The following TERB1 variants were observed in gnomAD, a reference collection of about 807,000 sequenced individuals.
TERB1 encodes telomere repeat binding bouquet formation protein 1.
A neutral mutation model predicts 92.3 loss-of-function variants in TERB1; 63 were observed. That is an observed-to-expected ratio of 0.68 (90% CI 0.56 to 0.84). The LOEUF (loss-of-function observed/expected upper bound fraction) is 0.84. Among genes scored for constraint, TERB1 ranks in the 40% least tolerant of loss-of-function variants. TERB1 has a pLI of 0.00. For missense variants in TERB1, 709 were observed against 843.7 expected (o/e 0.84, Z 1.98); for synonymous variants, 252 against 283.9 (o/e 0.89, Z 1.13).
At chr16:66,768,213 T>G in intron 14 of TERB1, 45 bp from the exon 15 acceptor site, 2 of 1,393,158 alleles carry the variant, frequency 1.4e-6, no homozygotes, top group Non-Finnish European at 2.0e-6. Context: ...AACATACTGT[T>G]TGGTGTGCGG....
chr16:66,792,140 A>G (rs996613670), intron 3 of TERB1, among the ~76,000 whole-genome samples: 9 of 152,238 alleles, frequency 5.9e-5, no homozygotes, highest in Non-Finnish European at 1.3e-4. Context: ...AAAAAAATCA[A>G]TGTAACAAAA....
chr16:66,785,962 TTTTCA>T (rs2018722734), intron 8 of TERB1, 47 bp downstream of exon 8: 22 of 1,527,034 alleles, frequency 1.4e-5, no homozygotes, highest in Non-Finnish European at 1.7e-5. Context: ...AAAATATCAG[TTTTCA>T]TTTGTTTTTA....
In TERB1 at chr16:66,770,142, G is replaced by A. The variant is rs1331523270; in HGVS notation, c.1440C>T (p.Val480=). 4 of 1,552,234 alleles carry A rather than the reference G, an allele frequency of 2.6e-6. No homozygotes were observed. The East Asian group carries it at 9.8e-5, about 38-fold the overall frequency. Residue 480 remains valine, a synonymous_variant, in exon 14 of 19, where the codon GTC becomes GTT. Transcript: ENST00000433154. ...CATCATTTGTACATGCTTTAGACAT[G>A]ACTCCATGGGACTTATAACTCTGTA... ...RQLQSYKSHG[V]MSKACTNDDQ...
intron 11 of TERB1, among the ~76,000 whole-genome samples, chr16:66,776,480 T>A (rs1203553144): frequency 6.6e-6 from 1 of 152,014 alleles, no homozygotes; most frequent in Admixed American, 6.6e-5. Context: ...TAATCAATCC[T>A]AAATTACACA....
intron 16 of TERB1, among the ~76,000 whole-genome samples, chr16:66,765,709 C>T (rs865908105): frequency 1.3e-5 from 2 of 151,906 alleles, no homozygotes; most frequent in South Asian, 2.1e-4. Flanking sequence ...CCACCCGCCT[C>T]GGCCTCCCAA....
intron 9 of TERB1, 91 bp from the exon 10 acceptor site, chr16:66,779,106 C>T (rs1172771110): frequency 3.1e-6 from 3 of 980,526 alleles, no homozygotes; most frequent in African/African-American, 3.3e-5. Context: ...ATAACATTGA[C>T]CTTTTCAAAT....
chr16:66,767,971 GC>G, intron 15 of TERB1, 132 bp downstream of exon 15: 1 of 685,704 alleles, frequency 1.5e-6, no homozygotes. Context: ...CAGCTGATCT[GC>G]CCACCTAGGC....
At chr16:66,769,129 A>G (rs1002506368) in intron 14 of TERB1, among the ~76,000 whole-genome samples, 1 of 151,896 alleles carries the variant, frequency 6.6e-6, no homozygotes, top group Non-Finnish European at 1.5e-5. Flanking sequence ...AAGAAAAAGA[A>G]AAAAGAAAAA....
chr16:66,801,097 G>C (rs1262410753), intron 1 of TERB1, 44 bp from the exon 2 acceptor site: 2 of 152,406 alleles, frequency 1.3e-5, no homozygotes, highest in East Asian at 3.8e-4. Context: ...GGCCACTCGT[G>C]AGCCATCAGC....
chr16:66,774,054 T>C (rs1464109210), intron 12 of TERB1, among the ~76,000 whole-genome samples: 1 of 151,138 alleles, frequency 6.6e-6, no homozygotes, highest in Non-Finnish European at 1.5e-5. Flanking sequence ...TAATTTTTTT[T>C]GTATTTTTAG....
Position 66,770,126 on chromosome 16 carries a change from T to C in TERB1, c.1456A>G (p.Thr486Ala). 1 of 1,552,314 alleles carries C rather than the reference T, an allele frequency of 6.4e-7. No individual in the cohort carries two copies. Among genetic ancestry groups the C allele is most frequent in the Non-Finnish European group, 8.7e-7 (1 of 1,147,130 alleles). The change falls in exon 14 of 19, where the codon ACA (threonine) becomes GCA (alanine). Residue 486 changes from threonine to alanine, a missense_variant. By Grantham distance (58) the Thr-to-Ala change is moderately conservative. Transcript: ENST00000433154. The stretch of plus-strand genomic sequence containing the variant: ...GGTGTCTTCATTTGGTCATCATTTG[T>C]ACATGCTTTAGACATGACTCCATGG... ...KSHGVMSKACTNDDQMKTPLK... is the reference protein window; with the variant it reads ...KSHGVMSKACANDDQMKTPLK...
rs1186013949 is a variant in TERB1, at chr16:66,768,149, G to A, written c.1639C>T (p.Pro547Ser). 6.5e-7 allele frequency: 1 copy of A among 1,549,902 alleles called. No individual in the cohort carries two copies. The change falls in exon 15 of 19, where the codon CCA (proline) becomes TCA (serine). Residue 547 changes from proline (P) to serine (S), a missense_variant. Physicochemically the swap from Pro to Ser is moderately conservative, Grantham distance 74. Transcript: ENST00000433154. ...TTTATATTTTTGGCAATGTGAACTG[G>A]GTGTTTAAAAACATGGTCACTAAAA... ...SQSSDHVFKH[P>S]VHIAKNIKQQ...
chr16:66,770,454 A>G, intron 13 of TERB1, 145 bp from the exon 14 acceptor site: 4 of 610,356 alleles, frequency 6.6e-6, no homozygotes, highest in Non-Finnish European at 1.1e-5. Flanking sequence ...TACATTAGGA[A>G]GAAAAGGGAG....
upstream of TERB1, among the ~76,000 whole-genome samples, chr16:66,801,925 G>A (rs986423382): frequency 6.6e-5 from 10 of 152,220 alleles, no homozygotes; most frequent in African/African-American, 2.4e-4. Flanking sequence ...TCTGTGCTGT[G>A]TGTTCTCCCT....
At position 66,768,183 on chromosome 16, in the gene TERB1, A is replaced by T; in HGVS notation, c.1620-15T>A. 6.6e-7 allele frequency: 1 copy of T among 1,514,018 alleles called. No homozygotes were observed. The highest frequency in any genetic ancestry group is 9.0e-7 in the Non-Finnish European group (1 of 1,113,330). The allele number at this position is 1,514,018 out of a possible 1,614,324, so 93.8% of individuals were successfully genotyped here. A position where few individuals can be genotyped will look rare whatever the true frequency, so the allele number is the denominator to read the frequency against. On this transcript the variant is annotated splice_polypyrimidine_tract_variant and intron_variant, in intron 14 of 18. Coordinates refer to ENST00000433154, the MANE Select transcript of TERB1 (RefSeq NM_001136505.2). ...AAACATGGTCACTAAAAGAAAATAG[A>T]CACCAGATTACTAAAAGTAAACATA...
intron 18 of TERB1, 124 bp downstream of exon 18, chr16:66,758,649 G>A (rs1016969263): frequency 1.3e-5 from 8 of 600,500 alleles, no homozygotes; most frequent in Non-Finnish European, 2.0e-5. Flanking sequence ...GCTGAGGCAG[G>A]AGAATCACTT....
At position 66,755,087 on chromosome 16, in the gene TERB1, A is replaced by G; in HGVS notation, c.2073T>C (p.Asn691=). The G allele has an allele frequency of 6.4e-7, 1 of 1,551,384 alleles. No individual in the cohort carries two copies. Among genetic ancestry groups the G allele is most frequent in the Non-Finnish European group, 8.7e-7 (1 of 1,146,726 alleles). Residue 691 remains asparagine (N), a synonymous_variant, in exon 19 of 19, where the codon AAT becomes AAC. Transcript: ENST00000433154. ...YLFNGVKKMG[N]HWNSILWSFP... ...AAGACCACAAAATTGAATTCCAGTG[A>G]TTTCCCATTTTCTTAACTCCATTGA...
In TERB1 at chr16:66,800,512, T is replaced by A. The variant is rs148744736; in HGVS notation, c.-33+465A>T. On this transcript the variant is annotated intron_variant, in intron 2 of 18. Transcript: ENST00000433154. ...TTCAAGCGACTCTCCTGCCTCAGCC[T>A]CCCCAGTAGCTGGGATTACAGGCGC... Among the ~76,000 whole-genome samples, 271 of 144,998 alleles carry A rather than the reference T, an allele frequency of 1.9e-3. 1 individual carries two copies. The highest frequency in any genetic ancestry group is 6.5e-3 in the African/African-American group (253 of 38,962).
intron 18 of TERB1, among the ~76,000 whole-genome samples, chr16:66,756,060 T>C (rs2018132594): frequency 6.6e-6 from 1 of 152,256 alleles, no homozygotes; most frequent in African/African-American, 2.4e-5. Flanking sequence ...AGCTGGTATC[T>C]GTAAACAAAT....
Sources: allele counts gnomAD v4.1 joint callset (sites outside exome capture counted in the v4.1 genomes callset), GRCh38; gene constraint gnomAD v4.1.1; transcripts MANE v1.5; gene names NCBI Gene and HGNC (gene_info 2026-07-23, HGNC 2026-07-21).